The following L3MBTL2 variants were observed in gnomAD, a reference collection of about 807,000 sequenced individuals.
The protein encoded by L3MBTL2 is lethal(3)malignant brain tumor-like protein 2.
Under a neutral mutation model 86.4 loss-of-function variants are expected in L3MBTL2, and 49 were observed. The ratio of observed to expected loss-of-function variants is 0.57; its 90% CI spans 0.45 to 0.72. L3MBTL2 has a LOEUF of 0.72. Ranked by LOEUF, L3MBTL2 falls within the 30% of genes least tolerant of loss-of-function variation. The pLI, the probability that L3MBTL2 is intolerant of heterozygous loss-of-function variation, is 0.00. For synonymous variants in L3MBTL2, 336 were observed against 350.6 expected (o/e 0.96, Z 0.47); for missense variants, 755 against 923.7 (o/e 0.82, Z 2.37).
intron 4 of L3MBTL2, 141 bp from the exon 5 acceptor site, chr22:41,216,982 G>A: frequency 1.6e-6 from 1 of 631,878 alleles, no homozygotes; most frequent in Non-Finnish European, 2.8e-6. Flanking sequence ...AGTGAAGGAG[G>A]GTGTCGTGGG....
chr22:41,227,467 C>G lies in L3MBTL2; in HGVS notation c.1822+144C>G. 1 of 1,198,364 alleles carries G rather than the reference C, an allele frequency of 8.3e-7. No individual in the cohort carries two copies. Among genetic ancestry groups the G allele is most frequent in the Non-Finnish European group, 1.2e-6 (1 of 828,522 alleles). The allele number at this position is 1,198,364 out of a possible 1,614,324, so 74.2% of individuals were successfully genotyped here. On this transcript the variant is annotated intron_variant, in intron 14 of 16. Transcript: ENST00000216237. The surrounding 1 kb of genome is among the most constrained non-coding windows in gnomAD (Gnocchi z 6.0). ...ACTTTAAGTAGAGAGTGAGCCCCGTCACCCAGCCCCTGCTCCTGACTTCTC... is the reference window on the plus strand; with the variant it reads ...ACTTTAAGTAGAGAGTGAGCCCCGTGACCCAGCCCCTGCTCCTGACTTCTC...
chr22:41,219,783 C>T (rs2031679953), intron 6 of L3MBTL2, among the ~76,000 whole-genome samples: 1 of 152,052 alleles, frequency 6.6e-6, no homozygotes, highest in Non-Finnish European at 1.5e-5. Context: ...GCTCTGTCAC[C>T]CAGGCTGGAG....
intron 6 of L3MBTL2, 44 bp from the exon 7 acceptor site, chr22:41,220,690 C>T: frequency 4.5e-6 from 7 of 1,569,720 alleles, no homozygotes; most frequent in Non-Finnish European, 5.2e-6. Flanking sequence ...ACATACCTTC[C>T]CCAGCTCACC....
chr22:41,221,133 G>A (rs1455199886), intron 7 of L3MBTL2, 66 bp from the exon 8 acceptor site: 11 of 1,410,696 alleles, frequency 7.8e-6, no homozygotes, highest in South Asian at 2.7e-5. Context: ...CTGGGTCGGC[G>A]CTAGCGCCCC....
chr22:41,208,250 G>C, intron 1 of L3MBTL2: 1 of 403,172 alleles, frequency 2.5e-6, no homozygotes, highest in Admixed American at 2.8e-5. Flanking sequence ...TTCCACCTCA[G>C]CTCCAAGAAG....
intron 3 of L3MBTL2, 137 bp downstream of exon 3, chr22:41,214,163 C>T: frequency 4.8e-6 from 4 of 833,368 alleles, no homozygotes; most frequent in East Asian, 5.0e-5. Context: ...TGTTCTCAAA[C>T]TTCAGAGGAC....
rs773223875 is a variant in L3MBTL2 at position 41,224,682 on chromosome 22, C to T, written c.1175-43C>T. ...GTGGAGATGGCCCAGGAGCCGCCTC[C>T]AACTCCCTTCTCTCCCTCATTCCCT... On this transcript the variant is annotated intron_variant, in intron 9 of 16. Transcript: ENST00000216237. The surrounding 1 kb of genome is among the most constrained non-coding windows in gnomAD (Gnocchi z 4.9). 3 of 1,516,190 alleles carry T rather than the reference C, an allele frequency of 2.0e-6. No individual in the cohort carries two copies. Among genetic ancestry groups the T allele is most frequent in the Non-Finnish European group, 2.7e-6 (3 of 1,091,230 alleles). The allele number at this position is 1,516,190 out of a possible 1,614,324, so 93.9% of individuals were successfully genotyped here. A position where few individuals can be genotyped will look rare whatever the true frequency, so the allele number is the denominator to read the frequency against.
chr22:41,224,870 C>T lies in L3MBTL2; in HGVS notation c.1251+69C>T, dbSNP rs770485284. On this transcript the variant is annotated intron_variant, in intron 10 of 16. Transcript: ENST00000216237. This position sits in a 1 kb window ranked among gnomAD's most constrained non-coding sequence, Gnocchi z 4.9. The stretch of plus-strand genomic sequence containing the variant: ...CATTCCGGGCCTGAGGGACCTGGCT[C>T]TTCCCCTGGGACCATCCCTTTCCCT... 3.3e-5 allele frequency: 51 copies of T among 1,562,134 alleles called. No homozygotes were observed. Among genetic ancestry groups the T allele is most frequent in the Non-Finnish European group, 3.8e-5 (43 of 1,133,468 alleles).
At chr22:41,211,225 G>A (rs1601492824) in intron 2 of L3MBTL2, among the ~76,000 whole-genome samples, 1 of 152,084 alleles carries the variant, frequency 6.6e-6, no homozygotes, top group East Asian at 1.9e-4. Context: ...TTTTGAGGCA[G>A]GGTCTCACTC....
intron 1 of L3MBTL2, chr22:41,209,096 G>A (rs532405994): frequency 1.3e-5 from 2 of 152,698 alleles, no homozygotes; most frequent in South Asian, 4.1e-4. Flanking sequence ...AAGTACCTTA[G>A]GATATTTCAC....
At chr22:41,219,974 C>T (rs2031693615) in intron 6 of L3MBTL2, among the ~76,000 whole-genome samples, 2 of 152,116 alleles carry the variant, frequency 1.3e-5, no homozygotes, top group Admixed American at 1.3e-4. Flanking sequence ...AAACTCCTGA[C>T]CTCAGGTGAT....
intron 5 of L3MBTL2, chr22:41,218,787 C>A (rs2031588761): frequency 6.6e-6 from 1 of 152,032 alleles, no homozygotes; most frequent in African/African-American, 2.4e-5. Context: ...CCACCACGCC[C>A]GGCTAATTTT....
chr22:41,216,334 C>T, intron 4 of L3MBTL2, 72 bp downstream of exon 4: 1 of 1,565,634 alleles, frequency 6.4e-7, no homozygotes, highest in Admixed American at 1.8e-5. Context: ...GGTGGCCTTT[C>T]CTAGGAATGA....
intron 5 of L3MBTL2, 116 bp from the exon 6 acceptor site, chr22:41,219,303 T>A: frequency 1.4e-6 from 1 of 738,024 alleles, no homozygotes; most frequent in Non-Finnish European, 2.5e-6. Context: ...CTGCACACAG[T>A]GGGTGATGTG....
intron 1 of L3MBTL2, 24 bp downstream of exon 1, chr22:41,205,410 G>C: frequency 1.9e-6 from 3 of 1,614,064 alleles, no homozygotes; most frequent in Non-Finnish European, 2.5e-6. Context: ...GACTTAGCGT[G>C]ACTGGGAAAG....
chr22:41,222,046 G>A lies in L3MBTL2; in HGVS notation c.942+759G>A, dbSNP rs138825547. ...CCCGAGTAGTTGGGATTACAGGTGC[G>A]CACACACCACCATACTTGGCTAATT... On this transcript the variant is annotated intron_variant, in intron 8 of 16. Transcript: ENST00000216237. 9.9e-5 allele frequency among the ~76,000 whole-genome samples: 15 copies of A among 152,020 alleles called. No homozygotes were observed. In the East Asian group the frequency reaches 2.7e-3, roughly 27 times the overall value.
intron 12 of L3MBTL2, among the ~76,000 whole-genome samples, chr22:41,226,391 G>A (rs763891367): frequency 6.6e-6 from 1 of 152,222 alleles, no homozygotes; most frequent in African/African-American, 2.4e-5. Flanking sequence ...CCCACCACCA[G>A]CCCTTAACTG....
Position 41,209,638 on chromosome 22 carries a change from C to G in L3MBTL2, c.25-58C>G, listed in dbSNP as rs1473118558. 3 of 1,493,128 alleles carry G rather than the reference C, an allele frequency of 2.0e-6. No homozygotes were observed. The South Asian group carries it at 3.5e-5, about 17-fold the overall frequency. 92.5% of individuals were successfully genotyped at this position (1,493,128 alleles called of 1,614,324 possible). On this transcript the variant is annotated intron_variant, in intron 1 of 16. Coordinates refer to ENST00000216237, the MANE Select transcript of L3MBTL2 (RefSeq NM_031488.5). ...TGATAGCAGATCTGCAGCTTCTCCC[C>G]CCGTGCACTAAAGCCAATCATAATT...
intron 5 of L3MBTL2, chr22:41,217,917 T>G (rs542558493): frequency 6.6e-6 from 1 of 152,376 alleles, no homozygotes; most frequent in African/African-American, 2.4e-5. Flanking sequence ...TGACAGCTGC[T>G]TCTTGACTCA....
Sources: allele counts gnomAD v4.1 joint callset (sites outside exome capture counted in the v4.1 genomes callset), GRCh38; gene constraint gnomAD v4.1.1; non-coding constraint Gnocchi (gnomAD v3.1); transcripts MANE v1.5; gene names NCBI Gene and HGNC (gene_info 2026-07-23, HGNC 2026-07-21).